The following BEGAIN variants were observed in gnomAD, a reference collection of about 807,000 sequenced individuals.
The protein encoded by BEGAIN is brain enriched guanylate kinase associated, also known as brain-enriched guanylate kinase-associated protein.
Under a neutral mutation model 35.8 loss-of-function variants are expected in BEGAIN, and 19 were observed. The observed-to-expected ratio is 0.53, with a 90% CI of 0.37 to 0.78. The LOEUF is 0.78. Ranked by LOEUF, BEGAIN falls within the 30% of genes least tolerant of loss-of-function variation. The pLI is 0.00. For missense variants in BEGAIN, 795 were observed against 853.6 expected (o/e 0.93, Z 0.85); for synonymous variants, 462 against 388.6 (o/e 1.19, Z -2.22).
At position 100,539,095 on chromosome 14, in the gene BEGAIN, C is replaced by T. The variant is rs772567203; in HGVS notation, c.713G>A (p.Arg238Gln). The T allele has an allele frequency of 1.9e-6, 3 of 1,611,122 alleles. No individual in the cohort carries two copies. The highest frequency in any genetic ancestry group is 1.7e-6 in the Non-Finnish European group (2 of 1,178,616). The change falls in exon 7 of 7, where the codon CGG becomes CAG. Residue 238 changes from arginine to glutamine, a missense_variant. Transcript: ENST00000554140. ...GTAGATGTCTCCCTTGTAGGGGGGC[C>T]GCGGGCCTGGTTTCTCCACCCCGTC... ...FCDGVEKPGP[R>Q]PPYKGDIYCS...
chr14:100,584,944 A>T (rs1164604649), intron 1 of BEGAIN, among the ~76,000 whole-genome samples: 1 of 151,926 alleles, frequency 6.6e-6, no homozygotes, highest in Non-Finnish European at 1.5e-5. Flanking sequence ...CCTTAGGGGG[A>T]GGAGCCACAC....
chr14:100,546,529 G>C lies in BEGAIN; in HGVS notation c.205C>G (p.Leu69Val). ...EIELRRAQEE[L>V]EKVTEKLRRI... Reference sequence around the variant, plus strand: ...CGCAGCTTCTCCGTGACCTTCTCCAGTTCCTCCTGCGCGCGCCGCAGCTCG... The same window carrying C: ...CGCAGCTTCTCCGTGACCTTCTCCACTTCCTCCTGCGCGCGCCGCAGCTCG... The change falls in exon 3 of 7, where the codon CTG becomes GTG. Residue 69 changes from leucine to valine, a missense_variant. Leu to Val is a conservative substitution (Grantham distance 32). Transcript: ENST00000554140. 1 of 1,572,032 alleles carries C rather than the reference G, an allele frequency of 6.4e-7. No homozygotes were observed. Among genetic ancestry groups the C allele is most frequent in the Non-Finnish European group, 8.6e-7 (1 of 1,165,476 alleles).
At chr14:100,579,110 C>G (rs1339160138) in intron 1 of BEGAIN, among the ~76,000 whole-genome samples, 2 of 152,214 alleles carry the variant, frequency 1.3e-5, no homozygotes, top group African/African-American at 4.8e-5. Flanking sequence ...ATCCGCCTGC[C>G]TTGGCCTCCC....
intron 1 of BEGAIN, among the ~76,000 whole-genome samples, chr14:100,584,833 C>T (rs996188307): frequency 7.2e-5 from 11 of 152,232 alleles, no homozygotes; most frequent in African/African-American, 1.4e-4. Flanking sequence ...ACCAGCTCTG[C>T]GGCAGGAAGG....
chr14:100,544,913 C>T, intron 4 of BEGAIN, 87 bp downstream of exon 4: 1 of 1,339,188 alleles, frequency 7.5e-7, no homozygotes, highest in Admixed American at 1.7e-5. Flanking sequence ...TGTCCCAGCT[C>T]CTGAGTGGCC....
chr14:100,558,010 C>T lies in BEGAIN; in HGVS notation c.71+9901G>A, dbSNP rs780022555. Among the ~76,000 whole-genome samples, 9 of 152,158 alleles carry T rather than the reference C, an allele frequency of 5.9e-5. No individual in the cohort carries two copies. Among genetic ancestry groups the T allele is most frequent in the Non-Finnish European group, 7.3e-5 (5 of 68,036 alleles). ...CAGGCAGCCCTCAGCTGGGCTGGAC[C>T]GTGGCCACTGGCTTCCCCCAGCTGC... On this transcript the variant is annotated intron_variant, in intron 2 of 6. Coordinates refer to ENST00000554140, the MANE Select transcript of BEGAIN (RefSeq NM_001385089.1). This position sits in a 1 kb window ranked among gnomAD's most constrained non-coding sequence, Gnocchi z 4.6.
At chr14:100,556,128 A>C (rs1566970458) in intron 2 of BEGAIN, among the ~76,000 whole-genome samples, 1 of 152,034 alleles carries the variant, frequency 6.6e-6, no homozygotes, top group African/African-American at 2.4e-5. Flanking sequence ...GGCCACCCTG[A>C]CGGTGTGGAT....
Position 100,543,027 on chromosome 14 carries a change from C to T in BEGAIN, c.408+831G>A, listed in dbSNP as rs529173677. ...GCTCCTTGGCCCCTTTGGGATCCTC[C>T]GAGTTAACCAGGTACAGCTGCACAC... is the stretch of plus-strand genomic sequence containing the variant. On this transcript the variant is annotated intron_variant, in intron 5 of 6. Coordinates refer to ENST00000554140, the MANE Select transcript of BEGAIN (RefSeq NM_001385089.1). Among the ~76,000 whole-genome samples the T allele has an allele frequency of 3.9e-5, 6 of 152,308 alleles. No homozygotes were observed. The East Asian group carries it at 7.7e-4, about 20-fold the overall frequency.
rs1329958280 is a variant in BEGAIN, at chr14:100,563,462, C to T, written c.71+4449G>A. ...GTGTGAACAGCGAGACGCGGCGTCC[C>T]CCAGGAGGTGTGGCTGCTGCATGTG... On this transcript the variant is annotated intron_variant, in intron 2 of 6. Transcript: ENST00000554140. The surrounding 1 kb of genome is among the most constrained non-coding windows in gnomAD (Gnocchi z 4.2). Among the ~76,000 whole-genome samples, 2 of 152,216 alleles carry T rather than the reference C, an allele frequency of 1.3e-5. No individual in the cohort carries two copies. The highest frequency in any genetic ancestry group is 2.9e-5 in the Non-Finnish European group (2 of 68,028).
In BEGAIN at chr14:100,568,187, C is replaced by T. The variant is rs1166769466; in HGVS notation, c.43-248G>A. ...CCGCGCTCCCCGCACCGAGTTACGC[C>T]CCCCGGGGCGAAGAAGGGGCCGGCC... is the stretch of plus-strand genomic sequence containing the variant. On this transcript the variant is annotated intron_variant, in intron 1 of 6. Coordinates refer to ENST00000554140, the MANE Select transcript of BEGAIN (RefSeq NM_001385089.1). This position sits in a 1 kb window ranked among gnomAD's most constrained non-coding sequence, Gnocchi z 7.5. The T allele has an allele frequency of 6.1e-6, 5 of 822,168 alleles. No homozygotes were observed. The highest frequency in any genetic ancestry group is 7.4e-6 in the Non-Finnish European group (5 of 674,482). The allele number at this position is 822,168 out of a possible 1,614,324, so 50.9% of individuals were successfully genotyped here.
chr14:100,550,682 G>C (rs2033104711), intron 2 of BEGAIN, among the ~76,000 whole-genome samples: 1 of 152,166 alleles, frequency 6.6e-6, no homozygotes. Context: ...AAGTAGCAGG[G>C]GTTGGGGATG....
At chr14:100,555,048 T>G (rs542393734) in intron 2 of BEGAIN, among the ~76,000 whole-genome samples, 33 of 152,336 alleles carry the variant, frequency 2.2e-4, no homozygotes, top group African/African-American at 7.2e-4. Context: ...GAGAAGGTCT[T>G]TGTCCCCAAA....
At chr14:100,566,503 G>A (rs1243388026) in intron 2 of BEGAIN, among the ~76,000 whole-genome samples, 2 of 152,194 alleles carry the variant, frequency 1.3e-5, no homozygotes, top group South Asian at 2.1e-4. Flanking sequence ...GCTGAGTTAA[G>A]CAGTGTTTCC....
chr14:100,554,678 T>C (rs1165298331), intron 2 of BEGAIN, among the ~76,000 whole-genome samples: 3 of 151,956 alleles, frequency 2.0e-5, no homozygotes, highest in Non-Finnish European at 2.9e-5. Context: ...TCCTTGAGTG[T>C]TGCAGTGCCA....
At chr14:100,578,829 C>G (rs1006709083) in intron 1 of BEGAIN, among the ~76,000 whole-genome samples, 1 of 151,674 alleles carries the variant, frequency 6.6e-6, no homozygotes, top group African/African-American at 2.4e-5. Context: ...CATCATCACA[C>G]CAGCCTTGCA....
intron 2 of BEGAIN, 114 bp from the exon 3 acceptor site, chr14:100,546,776 GCGCGCACACACACACACACACACA>G: frequency 3.0e-6 from 2 of 677,850 alleles, no homozygotes; most frequent in African/African-American, 2.9e-5. Context: ...GCGCGCGCGC[GCGCGCACACACACACACACACACA>G]CACACACACA....
chr14:100,568,951 C>T lies in BEGAIN; in HGVS notation c.43-1012G>A, dbSNP rs2034958020. On this transcript the variant is annotated intron_variant, in intron 1 of 6. Coordinates refer to ENST00000554140, the MANE Select transcript of BEGAIN (RefSeq NM_001385089.1). This position sits in a 1 kb window ranked among gnomAD's most constrained non-coding sequence, Gnocchi z 7.5. ...GGCCCCTCGCGCCGGGCGCCGCCGCCGCGTCCGCCGGGAGCGCGCTCCGCT... is the reference window on the plus strand; with the variant it reads ...GGCCCCTCGCGCCGGGCGCCGCCGCTGCGTCCGCCGGGAGCGCGCTCCGCT... 1 of 983,306 alleles carries T rather than the reference C, an allele frequency of 1.0e-6. No homozygotes were observed. Among genetic ancestry groups the T allele is most frequent in the African/African-American group, 1.8e-5 (1 of 56,992 alleles). The allele number at this position is 983,306 out of a possible 1,614,324, so 60.9% of individuals were successfully genotyped here. A position where few individuals can be genotyped will look rare whatever the true frequency, so the allele number is the denominator to read the frequency against.
chr14:100,550,980 G>A (rs2140585123), intron 2 of BEGAIN, among the ~76,000 whole-genome samples: 1 of 152,308 alleles, frequency 6.6e-6, no homozygotes, highest in East Asian at 1.9e-4. Flanking sequence ...ATGGGTGCAA[G>A]CTCCCCCTCC....
intron 2 of BEGAIN, among the ~76,000 whole-genome samples, chr14:100,553,225 T>A (rs1007727454): frequency 3.3e-5 from 5 of 152,034 alleles, no homozygotes; most frequent in African/African-American, 1.2e-4. Flanking sequence ...GACCACAAGG[T>A]GCACCTGTGT....
Sources: allele counts gnomAD v4.1 joint callset (sites outside exome capture counted in the v4.1 genomes callset), GRCh38; gene constraint gnomAD v4.1.1; non-coding constraint Gnocchi (gnomAD v3.1); transcripts MANE v1.5; gene names NCBI Gene and HGNC (gene_info 2026-07-23, HGNC 2026-07-21).